Variants in FUT5 observed in about 807,000 individuals in gnomAD.
FUT5 encodes fucosyltransferase 5.
FUT5 carries 1 observed loss-of-function variant against 0.8 expected under a neutral mutation model. That is an observed-to-expected ratio of 1.26 (90% CI 0.45 to 5.99). The LOEUF is 5.99. FUT5 is among the 30% of genes most tolerant of loss of function. The pLI, the probability that FUT5 is intolerant of heterozygous loss-of-function variation, is 0.15. For missense variants in FUT5, 437 were observed against 517.8 expected (o/e 0.84, Z 1.51); for synonymous variants, 212 against 225.7 (o/e 0.94, Z 0.54).
In FUT5 at chr19:5,866,211, C is replaced by G. The variant is rs143077291; in HGVS notation, c.*390G>C. On this transcript the variant is annotated 3_prime_UTR_variant, in exon 2 of 2. Transcript: ENST00000588525. The surrounding 1 kb of genome is among the most constrained non-coding windows in gnomAD (Gnocchi z 4.9). ...CTCCCTTGGGCCCTGTGCCTCCCAG[C>G]GGGTGAGGCTCCTAGCAGGTGACAT... is the stretch of plus-strand genomic sequence containing the variant. 4 of 373,280 alleles carry G rather than the reference C, an allele frequency of 1.1e-5. No individual in the cohort carries two copies. Among genetic ancestry groups the G allele is most frequent in the South Asian group, 4.6e-5 (2 of 43,674 alleles). The allele number at this position is 373,280 out of a possible 1,614,324, so 23.1% of individuals were successfully genotyped here.
chr19:5,866,433 G>T lies in FUT5; in HGVS notation c.*168C>A. On this transcript the variant is annotated 3_prime_UTR_variant, in exon 2 of 2. Coordinates refer to ENST00000588525, the MANE Select transcript of FUT5 (RefSeq NM_002034.2). The surrounding 1 kb of genome is among the most constrained non-coding windows in gnomAD (Gnocchi z 4.9). ...AAATCCCAGGTAAGTCACATGCCTG[G>T]CCACCAAAGACTCCAGCAGGTGAGG... is the stretch of plus-strand genomic sequence containing the variant. 1 of 1,093,430 alleles carries T rather than the reference G, an allele frequency of 9.1e-7. No homozygotes were observed. Among genetic ancestry groups the T allele is most frequent in the Non-Finnish European group, 1.3e-6 (1 of 741,134 alleles). The allele number at this position is 1,093,430 out of a possible 1,614,324, so 67.7% of individuals were successfully genotyped here. A position where few individuals can be genotyped will look rare whatever the true frequency, so the allele number is the denominator to read the frequency against.
chr19:5,867,363 C>T lies in FUT5; in HGVS notation c.363G>A (p.Val121=), dbSNP rs2057508495. 1.9e-6 allele frequency: 3 copies of T among 1,613,938 alleles called. No individual in the cohort carries two copies. Among genetic ancestry groups the T allele is most frequent in the Non-Finnish European group, 2.5e-6 (3 of 1,180,030 alleles). ...SVYPQADAVI[V]HHWDIMYNPS... ...GGTTGTACATGATATCCCAGTGGTGCACGATGACCGCGTCTGCCTGTGGGT... is the reference window on the plus strand; with the variant it reads ...GGTTGTACATGATATCCCAGTGGTGTACGATGACCGCGTCTGCCTGTGGGT... The change falls in exon 2 of 2, where the codon GTG becomes GTA. Residue 121 remains valine, a synonymous_variant. Transcript: ENST00000588525. The surrounding 1 kb of genome is among the most constrained non-coding windows in gnomAD (Gnocchi z 5.0).
chr19:5,870,066 CA>C (rs72405451), intron 1 of FUT5, among the ~76,000 whole-genome samples: 2,073 of 70,414 alleles, frequency 0.029, 18 homozygotes, highest in Middle Eastern at 0.082. Flanking sequence ...AACTCCATCT[CA>C]AAAAAAAAAA....
At chr19:5,870,083 A>G (rs866024397) in intron 1 of FUT5, among the ~76,000 whole-genome samples, 6 of 150,822 alleles carry the variant, frequency 4.0e-5, no homozygotes, top group African/African-American at 9.7e-5. Flanking sequence ...AAAAAAAAAA[A>G]AAAAGAAAAA....
In FUT5 at chr19:5,865,883, T is replaced by C; in HGVS notation, c.*718A>G. ...CCTCATGGGTGGTTAACAACAGCAA[T>C]AAAACCACAAGCAAACCAGCCTGCA... On this transcript the variant is annotated 3_prime_UTR_variant, in exon 2 of 2. Coordinates refer to ENST00000588525, the MANE Select transcript of FUT5 (RefSeq NM_002034.2). 6.3e-6 allele frequency: 1 copy of C among 159,168 alleles called. No individual in the cohort carries two copies. The highest frequency in any genetic ancestry group is 5.8e-5 in the Admixed American group (1 of 17,320). The allele number at this position is 159,168 out of a possible 1,614,324, so 9.9% of individuals were successfully genotyped here. A position where few individuals can be genotyped will look rare whatever the true frequency, so the allele number is the denominator to read the frequency against.
rs144284886 is a variant in FUT5 at position 5,867,613 on chromosome 19, C to T, written c.113G>A (p.Arg38Gln). The stretch of plus-strand genomic sequence containing the variant: ...CCTAGGGGATCCAGTGGCATCGTCT[C>T]GGGACACACGCAGGTAGGAGAAGAA... Reference protein sequence around the residue: ...VCFFSYLRVSRDDATGSPRPG... With the variant: ...VCFFSYLRVSQDDATGSPRPG... Residue 38 changes from arginine to glutamine, a missense_variant, in exon 2 of 2, where the codon CGA becomes CAA. By Grantham distance (43) the Arg-to-Gln change is conservative. Transcript: ENST00000588525. The surrounding 1 kb of genome is among the most constrained non-coding windows in gnomAD (Gnocchi z 5.0). 5.4e-4 allele frequency: 868 copies of T among 1,613,610 alleles called. No individual in the cohort carries two copies. Among genetic ancestry groups the T allele is most frequent in the Admixed American group, 1.1e-3 (67 of 60,020 alleles).
intron 1 of FUT5, among the ~76,000 whole-genome samples, chr19:5,870,023 G>A (rs1410670764): frequency 2.5e-5 from 3 of 121,750 alleles, no homozygotes; most frequent in Non-Finnish European, 4.7e-5. Context: ...CTGAGATTGC[G>A]CCACTGCACT....
At position 5,867,722 on chromosome 19, in the gene FUT5, C is replaced by G. The variant is rs2057510698; in HGVS notation, c.4G>C (p.Asp2His). ...TGTGGCTTGGCTGGGCCCAGGGGAT[C>G]CATGGGTCAGAGTAGCTGGGAAGAG... M[D>H]PLGPAKPQWL... The change falls in exon 2 of 2, where the codon GAT becomes CAT. Residue 2 changes from aspartate to histidine, a missense_variant. Physicochemically the swap from Asp to His is moderately conservative, Grantham distance 81. Transcript: ENST00000588525. The surrounding 1 kb of genome is among the most constrained non-coding windows in gnomAD (Gnocchi z 5.0). 6.2e-7 allele frequency: 1 copy of G among 1,613,040 alleles called. No individual in the cohort carries two copies. The highest frequency in any genetic ancestry group is 1.7e-5 in the Admixed American group (1 of 59,996).
rs2144918437 is a variant in FUT5, at chr19:5,866,310, A to C, written c.*291T>G. The stretch of plus-strand genomic sequence containing the variant: ...AACAGCCGAGATCCTCAGTAGGTGC[A>C]GCCTCCAGAAAGCAAGGTCCCCAGT... On this transcript the variant is annotated 3_prime_UTR_variant, in exon 2 of 2. Transcript: ENST00000588525. The surrounding 1 kb of genome is among the most constrained non-coding windows in gnomAD (Gnocchi z 4.9). 1 of 557,522 alleles carries C rather than the reference A, an allele frequency of 1.8e-6. No homozygotes were observed. Among genetic ancestry groups the C allele is most frequent in the East Asian group, 3.2e-5 (1 of 31,280 alleles). The allele number at this position is 557,522 out of a possible 1,614,324, so 34.5% of individuals were successfully genotyped here.
rs1196380667 is a variant in FUT5 at position 5,866,634 on chromosome 19, C to T, written c.1092G>A (p.Gln364=). The stretch of plus-strand genomic sequence containing the variant: ...ACCAAGCCGCTATGCTGCGCACCGT[C>T]TGGTACCTAGATTCCTGCTGCAGCT... ...CWKLQQESRY[Q]TVRSIAAWFT The change falls in exon 2 of 2, where the codon CAG becomes CAA. Residue 364 remains glutamine (Q), a synonymous_variant. Coordinates refer to ENST00000588525, the MANE Select transcript of FUT5 (RefSeq NM_002034.2). This position sits in a 1 kb window ranked among gnomAD's most constrained non-coding sequence, Gnocchi z 4.9. 1 of 1,613,164 alleles carries T rather than the reference C, an allele frequency of 6.2e-7. No individual in the cohort carries two copies. Among genetic ancestry groups the T allele is most frequent in the African/African-American group, 1.3e-5 (1 of 74,888 alleles).
chr19:5,867,812 G>T lies in FUT5; in HGVS notation c.-12-75C>A. The T allele has an allele frequency of 6.7e-7, 1 of 1,486,430 alleles. No individual in the cohort carries two copies. The highest frequency in any genetic ancestry group is 9.4e-7 in the Non-Finnish European group (1 of 1,068,372). 92.1% of individuals were successfully genotyped at this position (1,486,430 alleles called of 1,614,324 possible). A position where few individuals can be genotyped will look rare whatever the true frequency, so the allele number is the denominator to read the frequency against. ...TTCCTGGCCACGTGTCCTGAGAGAA[G>T]CTGTTATAATTTATGACACAGCTTG... On this transcript the variant is annotated intron_variant, in intron 1 of 1. Coordinates refer to ENST00000588525, the MANE Select transcript of FUT5 (RefSeq NM_002034.2). This position sits in a 1 kb window ranked among gnomAD's most constrained non-coding sequence, Gnocchi z 5.0.
chr19:5,867,557 C>T lies in FUT5; in HGVS notation c.169G>A (p.Gly57Arg), dbSNP rs774303037. The T allele has an allele frequency of 1.2e-5, 19 of 1,613,332 alleles. No individual in the cohort carries two copies. Among genetic ancestry groups the T allele is most frequent in the Admixed American group, 5.0e-5 (3 of 59,986 alleles). ...TGGCAGCGGGACCCATTGGGAGCCCCGGTGACAGGTTCCACTGCCATAAGC... is the reference window on the plus strand; with the variant it reads ...TGGCAGCGGGACCCATTGGGAGCCCTGGTGACAGGTTCCACTGCCATAAGC... ...PGLMAVEPVTGAPNGSRCQDS... is the reference protein window; with the variant it reads ...PGLMAVEPVTRAPNGSRCQDS... The change falls in exon 2 of 2, where the codon GGG (glycine) becomes AGG (arginine). Residue 57 changes from glycine to arginine, a missense_variant. Gly to Arg is a moderately radical substitution (Grantham distance 125, BLOSUM62 -2). Around this residue, in one of 2 missense-constraint regions of FUT5, gnomAD observed 261 missense variants for 242.6 expected, o/e 1.08. Transcript: ENST00000588525. The surrounding 1 kb of genome is among the most constrained non-coding windows in gnomAD (Gnocchi z 5.0).
intron 1 of FUT5, among the ~76,000 whole-genome samples, chr19:5,869,042 C>T (rs2057514940): frequency 6.6e-6 from 1 of 151,530 alleles, no homozygotes; most frequent in Non-Finnish European, 1.5e-5. Flanking sequence ...AGTGCAGTGG[C>T]ATGATCTCGG....
Position 5,866,700 on chromosome 19 carries a change from G to A in FUT5, c.1026C>T (p.Arg342=), listed in dbSNP as rs150801033. 9.7e-5 allele frequency: 156 copies of A among 1,611,732 alleles called. No individual in the cohort carries two copies. The African/African-American group carries it at 1.3e-3, about 14-fold the overall frequency. The change falls in exon 2 of 2, where the codon CGC becomes CGT. Residue 342 remains arginine (R), a synonymous_variant. Transcript: ENST00000588525. The surrounding 1 kb of genome is among the most constrained non-coding windows in gnomAD (Gnocchi z 4.9). ...AGAAAGCCAGTGCCCAGCTGAAGGA[G>A]CGAGGCCGCAGCGTCTCCCGCCAGT... The part of the protein sequence containing the change: ...YFHWRETLRP[R]SFSWALAFCK...
chr19:5,866,635 T>G lies in FUT5; in HGVS notation c.1091A>C (p.Gln364Pro). 6.2e-7 allele frequency: 1 copy of G among 1,613,228 alleles called. No individual in the cohort carries two copies. Among genetic ancestry groups the G allele is most frequent in the Non-Finnish European group, 8.5e-7 (1 of 1,179,994 alleles). ...CWKLQQESRY[Q>P]TVRSIAAWFT ...CCAAGCCGCTATGCTGCGCACCGTC[T>G]GGTACCTAGATTCCTGCTGCAGCTT... The change falls in exon 2 of 2, where the codon CAG becomes CCG. Residue 364 changes from glutamine to proline, a missense_variant. By Grantham distance (76) the Gln-to-Pro change is moderately conservative. Coordinates refer to ENST00000588525, the MANE Select transcript of FUT5 (RefSeq NM_002034.2). The surrounding 1 kb of genome is among the most constrained non-coding windows in gnomAD (Gnocchi z 4.9).
chr19:5,866,139 C>A lies in FUT5; in HGVS notation c.*462G>T. On this transcript the variant is annotated 3_prime_UTR_variant, in exon 2 of 2. Transcript: ENST00000588525. This position sits in a 1 kb window ranked among gnomAD's most constrained non-coding sequence, Gnocchi z 4.9. ...CCCTTCGCCCTCCTCCTTAGGGGAC[C>A]CTGCCCTTCCCTGACCTGCCCTGCA... is the stretch of plus-strand genomic sequence containing the variant. The A allele has an allele frequency of 3.3e-6, 1 of 300,374 alleles. No homozygotes were observed. Among genetic ancestry groups the A allele is most frequent in the Non-Finnish European group, 6.5e-6 (1 of 154,954 alleles). The allele number at this position is 300,374 out of a possible 1,614,324, so 18.6% of individuals were successfully genotyped here.
rs144634186 is a variant in FUT5 at position 5,867,481 on chromosome 19, G to A, written c.245C>T (p.Thr82Met). Residue 82 changes from threonine (T) to methionine (M), a missense_variant, in exon 2 of 2, where the codon ACG becomes ATG. Thr to Met is a moderately conservative substitution (Grantham distance 81, BLOSUM62 -1). Around this residue, in one of 2 missense-constraint regions of FUT5, gnomAD observed 261 missense variants for 242.6 expected, o/e 1.08. Coordinates refer to ENST00000588525, the MANE Select transcript of FUT5 (RefSeq NM_002034.2). This position sits in a 1 kb window ranked among gnomAD's most constrained non-coding sequence, Gnocchi z 5.0. Reference protein sequence around the residue: ...AHPTLLILLWTWPFNTPVALP... With the variant: ...AHPTLLILLWMWPFNTPVALP... ...AGCCACGGGTGTGTTAAAAGGCCAC[G>A]TCCACAGCAGGATCAGTAGGGTGGG... 4.4e-5 allele frequency: 67 copies of A among 1,530,288 alleles called. No individual in the cohort carries two copies. In the African/African-American group the frequency reaches 5.7e-4, roughly 13 times the overall value. 94.8% of individuals were successfully genotyped at this position (1,530,288 alleles called of 1,614,324 possible).
Position 5,867,175 on chromosome 19 carries a change from C to T in FUT5, c.551G>A (p.Trp184Ter), listed in dbSNP as rs756703939. The change falls in exon 2 of 2, where the codon TGG (tryptophan) becomes TAG (stop). Residue 184 changes from tryptophan to a stop codon, truncating the protein, a stop_gained. Transcript: ENST00000588525. LOFTEE classifies it low-confidence loss of function (END_TRUNC). The surrounding 1 kb of genome is among the most constrained non-coding windows in gnomAD (Gnocchi z 5.0). ...AGGCTGGCCGGACCACGGCTCCAGC[C>T]AGCCGTAGGGCGTGAAGATGTCGGA... ...SDSDIFTPYG[W>*]LEPWSGQPAH... 4 of 1,612,546 alleles carry T rather than the reference C, an allele frequency of 2.5e-6. No individual in the cohort carries two copies. In the African/African-American group the frequency reaches 5.3e-5, roughly 22 times the overall value.
intron 1 of FUT5, among the ~76,000 whole-genome samples, chr19:5,869,158 G>GTA: frequency 1.3e-5 from 2 of 148,330 alleles, no homozygotes; most frequent in African/African-American, 2.5e-5. Flanking sequence ...ATTTTTTTTT[G>GTA]TTTTTAGTAG....
Sources: gnomAD v4.1 joint callset for allele counts (sites outside exome capture counted in the v4.1 genomes callset) on GRCh38, gnomAD v4.1.1 for gene constraint, gnomAD v4.1.1 regional missense constraint, Gnocchi (gnomAD v3.1) non-coding constraint, MANE v1.5 for transcripts, NCBI Gene and HGNC (gene_info 2026-07-23, HGNC 2026-07-21) for gene names.